The following CHRNB4 variants were observed in gnomAD, a reference collection of about 807,000 sequenced individuals.
CHRNB4 encodes the protein neuronal acetylcholine receptor subunit beta-4.
A neutral mutation model predicts 40.4 loss-of-function variants in CHRNB4; 23 were observed. The ratio of observed to expected loss-of-function variants is 0.57; its 90% CI spans 0.41 to 0.81. The LOEUF is 0.81. Among genes scored for constraint, CHRNB4 ranks in the 30% least tolerant of loss-of-function variants. The pLI, the probability that CHRNB4 is intolerant of heterozygous loss-of-function variation, is 0.00. For missense variants in CHRNB4, 568 were observed against 670.6 expected, an observed-to-expected ratio of 0.85 and a Z score of 1.69; for synonymous variants, 285 against 274.4, an observed-to-expected ratio of 1.04 and a Z score of -0.38.
chr15:78,643,214 G>A (rs899940737), upstream of CHRNB4, among the ~76,000 whole-genome samples: 3 of 151,738 alleles, frequency 2.0e-5, no homozygotes, highest in African/African-American at 7.3e-5. Context: ...TTACAATAAC[G>A]TAAGGGCAGA....
chr15:78,624,605 C>T lies in CHRNB4; in HGVS notation c.*528G>A, dbSNP rs1020719377. On this transcript the variant is annotated 3_prime_UTR_variant, in exon 6 of 6. Transcript: ENST00000261751. ...CAAAAATACAAAAATTAGCTGGGCACGGTGGCGGCTTTCTGTAATCCCAGC... is the reference window on the plus strand; with the variant it reads ...CAAAAATACAAAAATTAGCTGGGCATGGTGGCGGCTTTCTGTAATCCCAGC... 9 of 192,856 alleles carry T rather than the reference C, an allele frequency of 4.7e-5. No individual in the cohort carries two copies. Among genetic ancestry groups the T allele is most frequent in the Middle Eastern group, 2.0e-3 (1 of 498 alleles). The allele number at this position is 192,856 out of a possible 1,614,324, so 11.9% of individuals were successfully genotyped here. A position where few individuals can be genotyped will look rare whatever the true frequency, so the allele number is the denominator to read the frequency against.
At chr15:78,653,767 C>T (rs1027821998) in intron 5 of CHRNB4, among the ~76,000 whole-genome samples, 10 of 152,168 alleles carry the variant, frequency 6.6e-5, no homozygotes, top group African/African-American at 1.9e-4. Flanking sequence ...CCTCCTGTTG[C>T]GGGGGCTGAA....
Position 78,624,904 on chromosome 15 carries a change from A to C in CHRNB4, c.*229T>G. 2 of 1,421,966 alleles carry C rather than the reference A, an allele frequency of 1.4e-6. No homozygotes were observed. The highest frequency in any genetic ancestry group is 1.9e-6 in the Non-Finnish European group (2 of 1,078,768). 88.1% of individuals were successfully genotyped at this position (1,421,966 alleles called of 1,614,324 possible). Reference sequence around the variant, plus strand: ...GGGAAGGAAGACAGGCCAGAATTGAACTGTCTGAAGCTCCCTCCTACTGGG... The same window carrying C: ...GGGAAGGAAGACAGGCCAGAATTGACCTGTCTGAAGCTCCCTCCTACTGGG... On this transcript the variant is annotated 3_prime_UTR_variant, in exon 6 of 6. Coordinates refer to ENST00000261751, the MANE Select transcript of CHRNB4 (RefSeq NM_000750.5).
chr15:78,634,075 T>C (rs560453510), intron 2 of CHRNB4, among the ~76,000 whole-genome samples: 223 of 152,272 alleles, frequency 1.5e-3, no homozygotes, highest in African/African-American at 5.1e-3. Flanking sequence ...AAACTGGTTG[T>C]ACCTATAACC....
At chr15:78,660,525 T>C (rs1213232179) in exon 1 of CHRNB4, 1 of 152,728 alleles carries the variant, frequency 6.5e-6, no homozygotes, top group African/African-American at 2.4e-5. Context: ...TGCTTTCCCA[T>C]CAGGTCTGTG....
chr15:78,631,726 C>T (rs2053816281), intron 2 of CHRNB4, among the ~76,000 whole-genome samples: 1 of 152,176 alleles, frequency 6.6e-6, no homozygotes, highest in Non-Finnish European at 1.5e-5. Flanking sequence ...CGCAGGAGCC[C>T]CCTAACTGGT....
chr15:78,625,844 A>G (rs902774997), intron 5 of CHRNB4: 7 of 152,236 alleles, frequency 4.6e-5, no homozygotes, highest in African/African-American at 1.4e-4. Context: ...CTGCTGCATC[A>G]TTCAGGTCTC....
At chr15:78,625,376 G>A (rs987540640) in intron 5 of CHRNB4, 85 bp from the exon 6 acceptor site, 3 of 1,319,266 alleles carry the variant, frequency 2.3e-6, no homozygotes, top group African/African-American at 1.5e-5. Flanking sequence ...TCTCTGGCCA[G>A]GGACTCCACA....
intron 7 of CHRNB4, among the ~76,000 whole-genome samples, chr15:78,647,334 C>G: frequency 6.6e-6 from 1 of 151,488 alleles, no homozygotes; most frequent in African/African-American, 2.4e-5. Context: ...TATATATAAA[C>G]ATTTTATATA....
chr15:78,661,093 C>T (rs565397293), upstream of CHRNB4: 280 of 605,768 alleles, frequency 4.6e-4, 2 homozygotes, highest in South Asian at 3.6e-3. Context: ...CTTGAACTTC[C>T]GGCCCTTGGA....
upstream of CHRNB4, among the ~76,000 whole-genome samples, chr15:78,643,495 C>T (rs2054098832): frequency 6.6e-6 from 1 of 152,120 alleles, no homozygotes; most frequent in Non-Finnish European, 1.5e-5. Context: ...AGGACGTAAA[C>T]AAGGGTGCTT....
Position 78,641,207 on chromosome 15 carries a change from G to A in CHRNB4, c.-74C>T, listed in dbSNP as rs928004332. The A allele has an allele frequency of 8.2e-6, 11 of 1,345,992 alleles. No individual in the cohort carries two copies. Among genetic ancestry groups the A allele is most frequent in the African/African-American group, 7.8e-5 (5 of 64,176 alleles). 83.4% of individuals were successfully genotyped at this position (1,345,992 alleles called of 1,614,324 possible). ...CAGGGCACCCGTGAGCCGCGCGGTCGAGTGAGCGCCGGTCCTGGCCCCCGA... is the reference window on the plus strand; with the variant it reads ...CAGGGCACCCGTGAGCCGCGCGGTCAAGTGAGCGCCGGTCCTGGCCCCCGA... On this transcript the variant is annotated 5_prime_UTR_variant, in exon 1 of 6. Coordinates refer to ENST00000261751, the MANE Select transcript of CHRNB4 (RefSeq NM_000750.5).
chr15:78,635,690 G>A, intron 1 of CHRNB4, 103 bp from the exon 2 acceptor site: 1 of 1,513,430 alleles, frequency 6.6e-7, no homozygotes, highest in Non-Finnish European at 9.0e-7. Flanking sequence ...GTGCCCTTAG[G>A]GCTGGCTGAA....
chr15:78,641,099 A>G lies in CHRNB4; in HGVS notation c.35T>C (p.Leu12Pro), dbSNP rs1159393450. 2.5e-6 allele frequency: 4 copies of G among 1,581,084 alleles called. No individual in the cohort carries two copies. In the African/African-American group the frequency reaches 5.4e-5, roughly 21 times the overall value. Residue 12 changes from leucine to proline, a missense_variant, in exon 1 of 6, where the codon CTG (leucine) becomes CCG (proline). This residue lies in a region of CHRNB4 where 161 missense variants were observed against 148.1 expected (regional missense o/e 1.09). Coordinates refer to ENST00000261751, the MANE Select transcript of CHRNB4 (RefSeq NM_000750.5). ...RRAPSLVLFF[L>P]VALCGRGNCR... is the part of the protein sequence containing the mutation. ...CTCACCGCGCCCGCAAAGGGCGACC[A>G]GGAAGAAAAGGACCAGGGAAGGCGC...
At chr15:78,650,335 GC>G in intron 6 of CHRNB4, among the ~76,000 whole-genome samples, 1 of 152,332 alleles carries the variant, frequency 6.6e-6, no homozygotes, top group East Asian at 1.9e-4. Context: ...AGGAGTCAGA[GC>G]CCAACTTCCC....
At chr15:78,660,585 G>A (rs1482770246), upstream of CHRNB4, 1 of 154,162 alleles carries the variant, frequency 6.5e-6, no homozygotes, top group Non-Finnish European at 1.4e-5. Flanking sequence ...GAGGCTCATA[G>A]AGGGCCCCAC....
intron 2 of CHRNB4, among the ~76,000 whole-genome samples, chr15:78,634,322 C>T (rs76009405): frequency 8.5e-5 from 13 of 152,296 alleles, no homozygotes; most frequent in Admixed American, 2.0e-4. Flanking sequence ...GCAGCTGCAC[C>T]GCAGCAGCTG....
At chr15:78,661,334 T>C (rs1249121535), upstream of CHRNB4, 1 of 571,758 alleles carries the variant, frequency 1.7e-6, no homozygotes, top group Admixed American at 2.0e-5. Flanking sequence ...GAGAACCTCC[T>C]GAACCCGCAC....
chr15:78,660,133 G>A (rs890796820), intron 1 of CHRNB4, among the ~76,000 whole-genome samples: 1 of 151,454 alleles, frequency 6.6e-6, no homozygotes, highest in South Asian at 2.1e-4. Context: ...CTTGAACCTG[G>A]AAGGCAGAAG....
Sources: gnomAD v4.1 joint callset for allele counts (sites outside exome capture counted in the v4.1 genomes callset) on GRCh38, gnomAD v4.1.1 for gene constraint, gnomAD v4.1.1 regional missense constraint, MANE v1.5 for transcripts, NCBI Gene and HGNC (gene_info 2026-07-23, HGNC 2026-07-21) for gene names.